IQGAP2: variants seen among roughly 807,000 people sequenced by gnomAD.
IQGAP2 encodes the protein IQ motif containing GTPase activating protein 2, also known as ras GTPase-activating-like protein IQGAP2.
Under a neutral mutation model 201.3 loss-of-function variants are expected in IQGAP2, and 173 were observed. The observed-to-expected ratio is 0.86, with a 90% CI of 0.76 to 0.98. IQGAP2 has a LOEUF of 0.98. IQGAP2 is among the 50% of genes least tolerant of loss of function. The probability of loss-of-function intolerance (pLI) is 0.00; values close to 1 mark genes in which losing one functional copy is unlikely to be tolerated. For synonymous variants in IQGAP2, 675 were observed against 673.9 expected (o/e 1.00, Z -0.03); for missense variants, 1,687 against 1,864.8 (o/e 0.90, Z 1.76).
At chr5:76,495,467 C>T (rs143608152) in intron 2 of IQGAP2, among the ~76,000 whole-genome samples, 401 of 152,278 alleles carry the variant, frequency 2.6e-3, no homozygotes, top group African/African-American at 9.1e-3. Context: ...CTGCCAGGGA[C>T]CAGCTGGCAG....
chr5:76,578,270 C>A (rs1745602692), intron 5 of IQGAP2, among the ~76,000 whole-genome samples: 1 of 152,052 alleles, frequency 6.6e-6, no homozygotes, highest in Non-Finnish European at 1.5e-5. Context: ...GGAGGAAATT[C>A]TCAAGCTTCA....
At chr5:76,545,547 T>C (rs1326434162) in intron 2 of IQGAP2, among the ~76,000 whole-genome samples, 1 of 152,240 alleles carries the variant, frequency 6.6e-6, no homozygotes, top group East Asian at 1.9e-4. Context: ...GATTTGTGTG[T>C]ATTCTTGCAA....
chr5:76,703,377 G>A (rs1027459284), intron 35 of IQGAP2, among the ~76,000 whole-genome samples: 1 of 152,052 alleles, frequency 6.6e-6, no homozygotes, highest in Non-Finnish European at 1.5e-5. Flanking sequence ...GCTTGTCTTA[G>A]ACTACTGGGC....
chr5:76,585,014 G>A (rs531640276), intron 5 of IQGAP2, among the ~76,000 whole-genome samples: 1 of 152,250 alleles, frequency 6.6e-6, no homozygotes, highest in African/African-American at 2.4e-5. Flanking sequence ...CTCTAAGAAG[G>A]AAAATTTGGT....
At chr5:76,505,460 C>T (rs1444406890) in intron 2 of IQGAP2, among the ~76,000 whole-genome samples, 1 of 152,108 alleles carries the variant, frequency 6.6e-6, no homozygotes, top group African/African-American at 2.4e-5. Context: ...TGTGATGCTA[C>T]AGGGAGAATG....
rs571900686 is a variant in IQGAP2 at position 76,542,884 on chromosome 5, T to C, written c.147-19512T>C. On this transcript the variant is annotated intron_variant, in intron 2 of 35. Coordinates refer to ENST00000274364, the MANE Select transcript of IQGAP2 (RefSeq NM_006633.5). Reference sequence around the variant, plus strand: ...CTAGTTGTATCCACTGTTTACGTTATAGAGAAATCTTTTCACATATGTAAG... The same window carrying C: ...CTAGTTGTATCCACTGTTTACGTTACAGAGAAATCTTTTCACATATGTAAG... Among the ~76,000 whole-genome samples, 36 of 152,356 alleles carry C rather than the reference T, an allele frequency of 2.4e-4. 1 individual carries two copies. The highest frequency in any genetic ancestry group is 5.8e-4 in the African/African-American group (24 of 41,584).
chr5:76,487,155 G>A (rs957560792), intron 2 of IQGAP2, among the ~76,000 whole-genome samples: 1 of 149,610 alleles, frequency 6.7e-6, no homozygotes, highest in Non-Finnish European at 1.5e-5. Flanking sequence ...CTGGAGTGCA[G>A]TGGCACAATC....
At chr5:76,698,962 A>C (rs926059529) in intron 33 of IQGAP2, among the ~76,000 whole-genome samples, 51 of 152,326 alleles carry the variant, frequency 3.3e-4, no homozygotes, top group African/African-American at 1.1e-3. Flanking sequence ...GCATCACCTC[A>C]AATACTTAGT....
intron 28 of IQGAP2, among the ~76,000 whole-genome samples, chr5:76,678,042 A>C (rs1744977765): frequency 6.6e-6 from 1 of 152,318 alleles, no homozygotes; most frequent in South Asian, 2.1e-4. Context: ...TGCTATGTAG[A>C]CCTACACCCT....
intron 2 of IQGAP2, among the ~76,000 whole-genome samples, chr5:76,538,386 A>G (rs951896821): frequency 3.3e-5 from 5 of 152,190 alleles, no homozygotes; most frequent in African/African-American, 1.2e-4. Context: ...GTGCAGAGCC[A>G]TTGAGTCCAG....
At chr5:76,612,617 A>T (rs1469998767) in intron 13 of IQGAP2, among the ~76,000 whole-genome samples, 2 of 152,196 alleles carry the variant, frequency 1.3e-5, no homozygotes, top group East Asian at 3.8e-4. Context: ...ATTAAGGCAG[A>T]TGGGAAAAGA....
chr5:76,420,946 G>A (rs1751700091), intron 1 of IQGAP2, among the ~76,000 whole-genome samples: 2 of 152,132 alleles, frequency 1.3e-5, no homozygotes, highest in Admixed American at 1.3e-4. Context: ...GTAGGTACAG[G>A]CCACATTTTA....
chr5:76,568,770 G>A (rs1016706736), intron 3 of IQGAP2, among the ~76,000 whole-genome samples: 1 of 152,268 alleles, frequency 6.6e-6, no homozygotes. Flanking sequence ...TCAATTTGGT[G>A]TCTTGGTAAT....
Position 76,674,677 on chromosome 5 carries a change from CA to C in IQGAP2, c.3497del (p.Asn1166IlefsTer36). ...GENEHLSSMN[N>X]YLSETYQEFR... ...AAAATGAGCATCTCTCATCTATGAA[CA>C]ATTATTTATCAGAGACGTATCAGGA... On this transcript the variant is annotated frameshift_variant, in exon 27 of 36. Transcript: ENST00000274364. LOFTEE classifies it high-confidence loss of function. 6.2e-7 allele frequency: 1 copy of C among 1,613,908 alleles called. No homozygotes were observed. The highest frequency in any genetic ancestry group is 1.3e-5 in the African/African-American group (1 of 75,054).
intron 17 of IQGAP2, among the ~76,000 whole-genome samples, chr5:76,647,963 T>G (rs1490918751): frequency 6.6e-6 from 1 of 152,142 alleles, no homozygotes; most frequent in Non-Finnish European, 1.5e-5. Context: ...ATCTGGATCT[T>G]GTGCCCACTG....
At chr5:76,553,005 A>T (rs1743667268) in intron 2 of IQGAP2, among the ~76,000 whole-genome samples, 1 of 152,254 alleles carries the variant, frequency 6.6e-6, no homozygotes, top group Non-Finnish European at 1.5e-5. Context: ...ACTTTCTTAG[A>T]GTGAACCAAA....
intron 5 of IQGAP2, among the ~76,000 whole-genome samples, chr5:76,576,632 C>T (rs556881989): frequency 1.3e-5 from 2 of 152,300 alleles, no homozygotes; most frequent in African/African-American, 4.8e-5. Flanking sequence ...CTTTTCCTCT[C>T]CAAAGGAAAA....
intron 4 of IQGAP2, among the ~76,000 whole-genome samples, chr5:76,575,173 C>T (rs573294450): frequency 6.6e-6 from 1 of 152,278 alleles, no homozygotes; most frequent in African/African-American, 2.4e-5. Flanking sequence ...ACCTTATATA[C>T]TTTCCAGATT....
At position 76,507,879 on chromosome 5, in the gene IQGAP2, C is replaced by T. The variant is rs142338066; in HGVS notation, c.146+46210C>T. ...CAAAAATTAGCTGGGCGTGGTGACA[C>T]GCGCCTGTAGTCCTAGCTACTCAGG... On this transcript the variant is annotated intron_variant, in intron 2 of 35. Transcript: ENST00000274364. Among the ~76,000 whole-genome samples the T allele has an allele frequency of 9.9e-3, 1,502 of 151,856 alleles. 17 individuals carry two copies. Among genetic ancestry groups the T allele is most frequent in the South Asian group, 0.025 (120 of 4,814 alleles).
Sources: gnomAD v4.1 joint callset for allele counts (sites outside exome capture counted in the v4.1 genomes callset) on GRCh38, gnomAD v4.1.1 for gene constraint, MANE v1.5 for transcripts, NCBI Gene and HGNC (gene_info 2026-07-23, HGNC 2026-07-21) for gene names.